Variants in ARHGAP42 observed in about 807,000 individuals in gnomAD.
ARHGAP42 encodes rho GTPase-activating protein 42.
A neutral mutation model predicts 125.0 loss-of-function variants in ARHGAP42; 63 were observed. The observed-to-expected ratio is 0.50, with a 90% confidence interval of 0.41 to 0.62. The LOEUF (loss-of-function observed/expected upper bound fraction) is 0.62. Ranked by LOEUF, ARHGAP42 falls within the 20% of genes least tolerant of loss-of-function variation. The probability of loss-of-function intolerance (pLI) is 0.00; values close to 1 mark genes in which losing one functional copy is unlikely to be tolerated. For synonymous variants in ARHGAP42, 339 were observed against 351.0 expected (o/e 0.97, Z 0.38); for missense variants, 766 against 1,024.2 (o/e 0.75, Z 3.44).
intron 14 of ARHGAP42, among the ~76,000 whole-genome samples, chr11:100,961,232 C>T (rs187093079): frequency 2.6e-4 from 40 of 152,182 alleles, no homozygotes; most frequent in African/African-American, 8.4e-4. Flanking sequence ...CAATAAGATG[C>T]ATGGATGCTA....
In ARHGAP42 at chr11:100,687,568, G is replaced by C; in HGVS notation, c.-111G>C. 1 of 869,690 alleles carries C rather than the reference G, an allele frequency of 1.1e-6. No homozygotes were observed. The highest frequency in any genetic ancestry group is 4.7e-5 in the East Asian group (1 of 21,086). The allele number at this position is 869,690 out of a possible 1,614,324, so 53.9% of individuals were successfully genotyped here. On this transcript the variant is annotated 5_prime_UTR_variant, in exon 1 of 24. Coordinates refer to ENST00000298815, the MANE Select transcript of ARHGAP42 (RefSeq NM_152432.4). Reference sequence around the variant, plus strand: ...CGCGCAATCAGTCCCCTCGCGTCCCGGCGCCTTCCCCGCGATCGCGCGACC... The same window carrying C: ...CGCGCAATCAGTCCCCTCGCGTCCCCGCGCCTTCCCCGCGATCGCGCGACC...
At chr11:100,946,617 A>G (rs575318519) in intron 10 of ARHGAP42, among the ~76,000 whole-genome samples, 1 of 152,040 alleles carries the variant, frequency 6.6e-6, no homozygotes, top group East Asian at 1.9e-4. Context: ...AGGGAAAGAG[A>G]TGGGGAAATG....
rs181337153 is a variant in ARHGAP42, at chr11:100,783,087, T to A, written c.251-12018T>A. On this transcript the variant is annotated intron_variant, in intron 2 of 23. Coordinates refer to ENST00000298815, the MANE Select transcript of ARHGAP42 (RefSeq NM_152432.4). ...CCAGGGTGATGACCGTAAGATCCTT[T>A]AATTTTATGGAGATCCTTGGTGTCT... Among the ~76,000 whole-genome samples, 195 of 152,272 alleles carry A rather than the reference T, an allele frequency of 1.3e-3. 2 individuals are homozygous for A. The highest frequency in any genetic ancestry group is 0.011 in the Admixed American group (171 of 15,294).
At chr11:100,724,686 T>C (rs1861824656) in intron 1 of ARHGAP42, among the ~76,000 whole-genome samples, 1 of 105,334 alleles carries the variant, frequency 9.5e-6, no homozygotes, top group Admixed American at 8.7e-5. Flanking sequence ...ATTTGGGTCT[T>C]TACTATTTTT....
chr11:100,698,734 T>A (rs925089021), intron 1 of ARHGAP42, among the ~76,000 whole-genome samples: 6 of 152,192 alleles, frequency 3.9e-5, no homozygotes, highest in Non-Finnish European at 8.8e-5. Context: ...TATAATTGGT[T>A]ATGGAAAACT....
chr11:100,702,952 GT>G (rs1565534329), intron 1 of ARHGAP42, among the ~76,000 whole-genome samples: 9 of 151,366 alleles, frequency 5.9e-5, no homozygotes, highest in African/African-American at 2.2e-4. Context: ...ATGAGCCACT[GT>G]AATCCCTGCC....
intron 1 of ARHGAP42, among the ~76,000 whole-genome samples, chr11:100,702,183 T>A (rs1861409019): frequency 1.3e-5 from 2 of 152,194 alleles, no homozygotes; most frequent in Admixed American, 6.5e-5. Flanking sequence ...AAATCTTCCT[T>A]TCATTTGAAC....
At chr11:100,858,086 G>GGGGTGTGTGTGTGTGTGTGTGT (rs779137957) in intron 3 of ARHGAP42, among the ~76,000 whole-genome samples, 1 of 108,920 alleles carries the variant, frequency 9.2e-6, no homozygotes, top group African/African-American at 3.0e-5. Context: ...TCTGGATAGG[G>GGGGTGTGTGTGTGTGTGTGTGT]GTGTGTGTGT....
At chr11:100,820,044 G>C (rs985006007) in intron 3 of ARHGAP42, among the ~76,000 whole-genome samples, 1 of 152,056 alleles carries the variant, frequency 6.6e-6, no homozygotes, top group Non-Finnish European at 1.5e-5. Context: ...ATGCCACAGG[G>C]CTCGGAGGCA....
intron 3 of ARHGAP42, chr11:100,859,338 C>T (rs1384193107): frequency 1.2e-5 from 5 of 416,202 alleles, no homozygotes; most frequent in African/African-American, 2.1e-5. Flanking sequence ...TACTTATTTT[C>T]GTATTTTTCA....
Position 100,801,193 on chromosome 11 carries a change from AT to A in ARHGAP42, c.312+6031del, listed in dbSNP as rs373256881. 4.7e-3 allele frequency among the ~76,000 whole-genome samples: 709 copies of A among 152,276 alleles called. 7 individuals are homozygous for A. Among genetic ancestry groups the A allele is most frequent in the African/African-American group, 0.016 (662 of 41,556 alleles). On this transcript the variant is annotated intron_variant, in intron 3 of 23. Transcript: ENST00000298815. ...AACCTGTATGTATAGATGGTGAGAG[AT>A]TTTGTACAAAGATGTGTCAAAGAAC...
chr11:100,937,847 G>A (rs990775589), intron 8 of ARHGAP42, among the ~76,000 whole-genome samples: 2 of 152,098 alleles, frequency 1.3e-5, no homozygotes, highest in African/African-American at 4.8e-5. Flanking sequence ...TTGGAACCAT[G>A]GTTTGCCTAC....
At chr11:100,715,710 G>A (rs889489107) in intron 1 of ARHGAP42, among the ~76,000 whole-genome samples, 2 of 152,110 alleles carry the variant, frequency 1.3e-5, no homozygotes, top group African/African-American at 4.8e-5. Flanking sequence ...TATTGGCGAG[G>A]TATTTAGAAT....
intron 3 of ARHGAP42, among the ~76,000 whole-genome samples, chr11:100,822,185 G>C (rs535072588): frequency 6.6e-6 from 1 of 152,090 alleles, no homozygotes; most frequent in South Asian, 2.1e-4. Context: ...TAATATTTTC[G>C]TTCCAGAATA....
At chr11:100,913,177 A>G (rs1866970945) in intron 4 of ARHGAP42, among the ~76,000 whole-genome samples, 1 of 152,144 alleles carries the variant, frequency 6.6e-6, no homozygotes, top group South Asian at 2.1e-4. Flanking sequence ...CCCATACTAC[A>G]GTTCCATTTA....
At position 100,856,505 on chromosome 11, in the gene ARHGAP42, C is replaced by A. The variant is rs551087330; in HGVS notation, c.313-3049C>A. The stretch of plus-strand genomic sequence containing the variant: ...AAATCCACTTAGTGCCCTTTGAGTG[C>A]TGGCATTTTCCATTTTGATCTCTTG... On this transcript the variant is annotated intron_variant, in intron 3 of 23. Transcript: ENST00000298815. Among the ~76,000 whole-genome samples, 4 of 152,126 alleles carry A rather than the reference C, an allele frequency of 2.6e-5. No individual in the cohort carries two copies. The East Asian group carries it at 7.7e-4, about 29-fold the overall frequency.
At chr11:100,808,965 C>T (rs1864072816) in intron 3 of ARHGAP42, among the ~76,000 whole-genome samples, 1 of 152,048 alleles carries the variant, frequency 6.6e-6, no homozygotes. Context: ...GTGTGTCACC[C>T]AGGATACTCA....
At chr11:100,971,129 G>A (rs1000706073) in intron 17 of ARHGAP42, among the ~76,000 whole-genome samples, 7 of 151,902 alleles carry the variant, frequency 4.6e-5, no homozygotes, top group East Asian at 1.9e-4. Context: ...ACAGACTCTC[G>A]GCTTTTCTTA....
chr11:100,763,436 T>C (rs923448075), intron 1 of ARHGAP42, among the ~76,000 whole-genome samples: 5 of 152,198 alleles, frequency 3.3e-5, no homozygotes, highest in Non-Finnish European at 5.9e-5. Flanking sequence ...TAAGATGTTA[T>C]TCAGTGTGGC....
Sources: gnomAD v4.1 joint callset for allele counts (sites outside exome capture counted in the v4.1 genomes callset) on GRCh38, gnomAD v4.1.1 for gene constraint, MANE v1.5 for transcripts, NCBI Gene and HGNC (gene_info 2026-07-23, HGNC 2026-07-21) for gene names.